MDGA2: variants seen among roughly 807,000 people sequenced by gnomAD.
The protein encoded by MDGA2 is MAM domain-containing glycosylphosphatidylinositol anchor protein 2.
MDGA2 carries 40 observed loss-of-function variants against 117.8 expected under a neutral mutation model. That is an observed-to-expected ratio of 0.34 (90% CI 0.26 to 0.44). The LOEUF is 0.44. MDGA2 is among the 20% of genes least tolerant of loss of function. MDGA2 has a pLI of 1.00. For missense variants in MDGA2, 1,123 were observed against 1,250.6 expected (o/e 0.90, Z 1.54); for synonymous variants, 452 against 439.0 (o/e 1.03, Z -0.37).
At chr14:47,450,424 T>C (rs964749499) in intron 1 of MDGA2, among the ~76,000 whole-genome samples, 1 of 151,838 alleles carries the variant, frequency 6.6e-6, no homozygotes, top group Non-Finnish European at 1.5e-5. Flanking sequence ...TGCAGAGGAG[T>C]TGCTAGTCAG....
rs1880564183 is a variant in MDGA2, at chr14:46,840,491, C to G, written c.*1440G>C. On this transcript the variant is annotated 3_prime_UTR_variant, in exon 17 of 17. Coordinates refer to ENST00000399232, the MANE Select transcript of MDGA2 (RefSeq NM_001113498.3). ...AGATATGATTTGTCGTCAGGTAGCT[C>G]AAAATTATTTTTACAGGTTTTTGTT... is the stretch of plus-strand genomic sequence containing the variant. The G allele has an allele frequency of 6.6e-6, 1 of 152,388 alleles. No homozygotes were observed. The highest frequency in any genetic ancestry group is 6.6e-5 in the Admixed American group (1 of 15,232). The allele number at this position is 152,388 out of a possible 1,614,324, so 9.4% of individuals were successfully genotyped here.
At chr14:47,262,613 A>G (rs956421198) in intron 2 of MDGA2, among the ~76,000 whole-genome samples, 1 of 152,192 alleles carries the variant, frequency 6.6e-6, no homozygotes, top group South Asian at 2.1e-4. Flanking sequence ...TAGGCCATCA[A>G]TCTGAAGAAT....
chr14:47,323,188 A>ATG (rs1890039273), intron 1 of MDGA2, among the ~76,000 whole-genome samples: 1 of 131,290 alleles, frequency 7.6e-6, no homozygotes, highest in South Asian at 2.4e-4. Context: ...ATATATATAT[A>ATG]TATATGGTAT....
chr14:47,292,052 C>A (rs968437223), intron 2 of MDGA2, among the ~76,000 whole-genome samples: 3 of 152,164 alleles, frequency 2.0e-5, no homozygotes, highest in African/African-American at 7.2e-5. Flanking sequence ...TGATTTTGTT[C>A]CAGTGAAGAT....
chr14:47,069,942 A>T (rs1159696776), intron 6 of MDGA2, among the ~76,000 whole-genome samples: 2 of 152,210 alleles, frequency 1.3e-5, no homozygotes, highest in Non-Finnish European at 2.9e-5. Flanking sequence ...AAGAGTGAAT[A>T]CTATTGACCT....
intron 6 of MDGA2, among the ~76,000 whole-genome samples, chr14:47,065,742 A>T (rs996454847): frequency 6.6e-6 from 1 of 152,222 alleles, no homozygotes; most frequent in African/African-American, 2.4e-5. Flanking sequence ...CTTTGGAGAT[A>T]ATAAATATGA....
At chr14:46,984,788 A>T (rs1886804974) in intron 8 of MDGA2, among the ~76,000 whole-genome samples, 1 of 152,070 alleles carries the variant, frequency 6.6e-6, no homozygotes, top group South Asian at 2.1e-4. Flanking sequence ...TTAAGAAAAA[A>T]TACAAAATTT....
At chr14:46,904,357 CAAAAAAA>C (rs5808366) in intron 10 of MDGA2, among the ~76,000 whole-genome samples, 1 of 73,862 alleles carries the variant, frequency 1.4e-5, no homozygotes, top group African/African-American at 3.9e-5. Context: ...GACTCTGTCT[CAAAAAAA>C]AAAAAAAAAA....
intron 1 of MDGA2, among the ~76,000 whole-genome samples, chr14:47,575,165 T>C (rs1321332944): frequency 6.6e-6 from 1 of 152,156 alleles, no homozygotes; most frequent in Non-Finnish European, 1.5e-5. Flanking sequence ...GCAATCAATA[T>C]ATTAACTTTG....
intron 3 of MDGA2, among the ~76,000 whole-genome samples, chr14:47,155,659 G>A (rs1166506387): frequency 2.1e-5 from 3 of 144,572 alleles, no homozygotes; most frequent in African/African-American, 5.1e-5. Context: ...AGCCCTCACC[G>A]TTCCATGGCT....
chr14:46,913,745 C>T (rs907847313), intron 10 of MDGA2, among the ~76,000 whole-genome samples: 5 of 152,130 alleles, frequency 3.3e-5, no homozygotes, highest in African/African-American at 1.2e-4. Flanking sequence ...TCTCTTGCCC[C>T]ACTACCTGGC....
At chr14:47,526,971 T>C (rs1894985213) in intron 1 of MDGA2, among the ~76,000 whole-genome samples, 1 of 152,180 alleles carries the variant, frequency 6.6e-6, no homozygotes. Context: ...TTTTGGTATG[T>C]CATTTTAATT....
intron 2 of MDGA2, among the ~76,000 whole-genome samples, chr14:47,247,717 C>T (rs543260740): frequency 2.0e-5 from 3 of 150,728 alleles, no homozygotes; most frequent in Admixed American, 2.0e-4. Flanking sequence ...TAGGTATACA[C>T]GTGCCATGGT....
chr14:47,525,541 C>T (rs928771034), intron 1 of MDGA2, among the ~76,000 whole-genome samples: 14 of 151,948 alleles, frequency 9.2e-5, no homozygotes, highest in African/African-American at 3.4e-4. Flanking sequence ...AAAAATTATC[C>T]GGGCGTGGTG....
chr14:47,050,081 G>T (rs1269480174), intron 7 of MDGA2, among the ~76,000 whole-genome samples: 1 of 151,988 alleles, frequency 6.6e-6, no homozygotes, highest in African/African-American at 2.4e-5. Context: ...ATTTCTCAGA[G>T]TGTATCTCTG....
intron 1 of MDGA2, among the ~76,000 whole-genome samples, chr14:47,570,212 T>C (rs2138818882): frequency 6.6e-6 from 1 of 151,508 alleles, no homozygotes; most frequent in Middle Eastern, 3.4e-3. Flanking sequence ...AATGCTTTTC[T>C]ACTTAAAGAA....
rs145304410 is a variant in MDGA2 at position 47,121,835 on chromosome 14, T to C, written c.925+9879A>G. Among the ~76,000 whole-genome samples, 974 of 152,222 alleles carry C rather than the reference T, an allele frequency of 6.4e-3. 8 individuals are homozygous for C. The highest frequency in any genetic ancestry group is 6.8e-3 in the Middle Eastern group (2 of 294). ...CAGTGACTTTTTCTACTAGAAATAT[T>C]GATAGCACAAATATTTGCAAAGAGT... On this transcript the variant is annotated intron_variant, in intron 5 of 16. Coordinates refer to ENST00000399232, the MANE Select transcript of MDGA2 (RefSeq NM_001113498.3).
chr14:47,262,659 G>T (rs1887835335), intron 2 of MDGA2, among the ~76,000 whole-genome samples: 1 of 152,132 alleles, frequency 6.6e-6, no homozygotes, highest in Admixed American at 6.6e-5. Context: ...GCAAAGTACA[G>T]TCAAAAGACA....
intron 1 of MDGA2, among the ~76,000 whole-genome samples, chr14:47,330,418 T>G (rs1890260640): frequency 6.6e-6 from 1 of 151,888 alleles, no homozygotes; most frequent in South Asian, 2.1e-4. Context: ...GAAGGACATA[T>G]ATTTCAAACA....
Sources: gnomAD v4.1 joint callset for allele counts (sites outside exome capture counted in the v4.1 genomes callset) on GRCh38, gnomAD v4.1.1 for gene constraint, MANE v1.5 for transcripts, NCBI Gene and HGNC (gene_info 2026-07-23, HGNC 2026-07-21) for gene names.